Variants in FRMPD4 observed in about 807,000 individuals in gnomAD.
FRMPD4 encodes the protein FERM and PDZ domain-containing protein 4.
Under a neutral mutation model 94.1 loss-of-function variants are expected in FRMPD4, and 22 were observed. The observed-to-expected ratio is 0.23, with a 90% confidence interval of 0.17 to 0.33. FRMPD4 has a LOEUF of 0.33. FRMPD4 is among the 10% of genes least tolerant of loss of function. FRMPD4 has a pLI of 1.00. For synonymous variants in FRMPD4, 631 were observed against 548.6 expected, an observed-to-expected ratio of 1.15 and a Z score of -2.10; for missense variants, 1,111 against 1,339.9, an observed-to-expected ratio of 0.83 and a Z score of 2.67.
intron 3 of FRMPD4, among the ~76,000 whole-genome samples, chrX:12,085,481 T>A (rs2055100993): frequency 9.0e-6 from 1 of 110,777 alleles, no homozygotes; most frequent in South Asian, 3.8e-4. Flanking sequence ...GAGGCTGCAA[T>A]GAACTATGAT....
At chrX:12,672,007 T>G (rs1358451728) in intron 4 of FRMPD4, among the ~76,000 whole-genome samples, 5 of 111,694 alleles carry the variant, frequency 4.5e-5, no homozygotes, top group Non-Finnish European at 5.6e-5. Context: ...TCCACAAAAT[T>G]CCTCCTTTTT....
chrX:12,519,006 T>C (rs2058133134), intron 2 of FRMPD4, among the ~76,000 whole-genome samples: 1 of 112,448 alleles, frequency 8.9e-6, no homozygotes, highest in Non-Finnish European at 1.9e-5. Flanking sequence ...GAAAGACTTA[T>C]ACACTGAAAA....
intron 3 of FRMPD4, 77 bp from the exon 4 acceptor site, chrX:12,614,702 A>T (rs760359659): frequency 2.2e-5 from 12 of 534,023 alleles, no homozygotes; most frequent in Non-Finnish European, 3.6e-5. Flanking sequence ...GCTCACAGTG[A>T]ATCATGATCA....
chrX:12,080,654 C>G (rs1411011901), intron 3 of FRMPD4, among the ~76,000 whole-genome samples: 1 of 112,166 alleles, frequency 8.9e-6, no homozygotes, highest in Non-Finnish European at 1.9e-5. Context: ...GAACAGAAGA[C>G]AGTTATTCCT....
intron 1 of FRMPD4, among the ~76,000 whole-genome samples, chrX:11,843,620 T>A (rs2053553753): frequency 1.8e-5 from 2 of 111,046 alleles, no homozygotes; most frequent in Non-Finnish European, 3.8e-5. Flanking sequence ...CACACTGGTA[T>A]GAGTATAGTT....
intron 1 of FRMPD4, among the ~76,000 whole-genome samples, chrX:11,845,564 G>A (rs760294865): frequency 9.3e-6 from 1 of 107,851 alleles, no homozygotes; most frequent in South Asian, 4.2e-4. Flanking sequence ...AAGCCGGGCA[G>A]AGACACAACC....
chrX:12,062,757 C>A (rs2054894455), intron 3 of FRMPD4, among the ~76,000 whole-genome samples: 1 of 111,414 alleles, frequency 9.0e-6, no homozygotes, highest in African/African-American at 3.3e-5. Flanking sequence ...GGTTATAGGG[C>A]AACTTTGGTT....
At chrX:12,359,005 T>TA (rs1050484882) in intron 1 of FRMPD4, among the ~76,000 whole-genome samples, 4 of 112,212 alleles carry the variant, frequency 3.6e-5, no homozygotes, top group African/African-American at 6.5e-5. Flanking sequence ...GTCTTTTTTT[T>TA]TATATATTTA....
At chrX:12,124,872 A>G (rs746401088) in intron 3 of FRMPD4, among the ~76,000 whole-genome samples, 1 of 111,747 alleles carries the variant, frequency 8.9e-6, no homozygotes, top group Non-Finnish European at 1.9e-5. Flanking sequence ...CAAATGCTCA[A>G]TATATATTTA....
At chrX:11,849,209 A>G (rs1368670787) in intron 1 of FRMPD4, among the ~76,000 whole-genome samples, 1 of 111,856 alleles carries the variant, frequency 8.9e-6, no homozygotes, top group Non-Finnish European at 1.9e-5. Flanking sequence ...TTACAATAGC[A>G]TCAAAAAGAA....
chrX:12,174,205 G>T (rs994880828), intron 1 of FRMPD4, among the ~76,000 whole-genome samples: 4 of 112,517 alleles, frequency 3.6e-5, no homozygotes, highest in African/African-American at 1.3e-4. Flanking sequence ...GTAAATGAAT[G>T]AGTATGGGGC....
chrX:12,158,554 C>T (rs1275618241), intron 1 of FRMPD4, among the ~76,000 whole-genome samples: 1 of 112,136 alleles, frequency 8.9e-6, no homozygotes, highest in African/African-American at 3.2e-5. Flanking sequence ...TGGAGCTCTT[C>T]CTGAAGTTAA....
At chrX:12,527,707 C>T (rs943645891) in intron 2 of FRMPD4, among the ~76,000 whole-genome samples, 1 of 111,298 alleles carries the variant, frequency 9.0e-6, no homozygotes, top group South Asian at 3.8e-4. Flanking sequence ...CCTGAAAACA[C>T]CCTTGTAAAC....
intron 2 of FRMPD4, among the ~76,000 whole-genome samples, chrX:12,528,163 T>C (rs1305990684): frequency 2.7e-5 from 3 of 111,299 alleles, no homozygotes; most frequent in Admixed American, 9.6e-5. Flanking sequence ...ACACATAATC[T>C]AGTTAAGGCA....
chrX:12,707,043 GTC>G (rs781079512), intron 12 of FRMPD4, 128 bp downstream of exon 12: 5 of 396,879 alleles, frequency 1.3e-5, no homozygotes, highest in Non-Finnish European at 2.2e-5. Context: ...CTTCACAACA[GTC>G]TGAAAATATC....
At chrX:12,096,588 C>T (rs2147503648) in intron 3 of FRMPD4, among the ~76,000 whole-genome samples, 1 of 111,972 alleles carries the variant, frequency 8.9e-6, no homozygotes, top group South Asian at 3.7e-4. Flanking sequence ...TGATCAAAAT[C>T]CGTTAATCAA....
chrX:12,150,896 C>T (rs2055841284), intron 1 of FRMPD4, among the ~76,000 whole-genome samples: 1 of 110,832 alleles, frequency 9.0e-6, no homozygotes. Flanking sequence ...TATTAAAGAA[C>T]CTATGATCAG....
chrX:12,617,974 A>G (rs1351593233), intron 4 of FRMPD4, among the ~76,000 whole-genome samples: 3 of 111,774 alleles, frequency 2.7e-5, no homozygotes, highest in Non-Finnish European at 5.6e-5. Flanking sequence ...TGGTTTTTTC[A>G]TGTAGTCTCA....
intron 2 of FRMPD4, among the ~76,000 whole-genome samples, chrX:12,553,228 A>T (rs1157166581): frequency 2.7e-5 from 3 of 109,223 alleles, no homozygotes; most frequent in African/African-American, 1.0e-4. Flanking sequence ...AACAAAAGAA[A>T]CAAAAGTATA....
Sources: gnomAD v4.1 joint callset for allele counts (sites outside exome capture counted in the v4.1 genomes callset) on GRCh38, gnomAD v4.1.1 for gene constraint, MANE v1.5 for transcripts, NCBI Gene and HGNC (gene_info 2026-07-23, HGNC 2026-07-21) for gene names.